The following GUCA1B variants were observed in gnomAD, a reference collection of about 807,000 sequenced individuals.
GUCA1B encodes the protein guanylate cyclase activator 1B, also known as guanylyl cyclase-activating protein 2.
GUCA1B carries 22 observed loss-of-function variants against 24.2 expected under a neutral mutation model. The ratio of observed to expected loss-of-function variants is 0.91; its 90% CI spans 0.65 to 1.30. The LOEUF is 1.30. Among genes scored for constraint, GUCA1B ranks in the 50% most tolerant of loss-of-function variants. The probability of loss-of-function intolerance (pLI) is 0.00; values close to 1 mark genes in which losing one functional copy is unlikely to be tolerated. For synonymous variants in GUCA1B, 100 were observed against 97.9 expected, an observed-to-expected ratio of 1.02 and a Z score of -0.13; for missense variants, 221 against 258.8, an observed-to-expected ratio of 0.85 and a Z score of 1.00.
Position 42,187,230 on chromosome 6 carries a change from G to A in GUCA1B, c.357+1352C>T, listed in dbSNP as rs548121286. On this transcript the variant is annotated intron_variant, in intron 2 of 3. Coordinates refer to ENST00000230361, the MANE Select transcript of GUCA1B (RefSeq NM_002098.6). ...AGCAATTCTCCTGCCTCAGCCTTCC[G>A]AGTAGCTGGGACTATAGGTGCCTGC... Among the ~76,000 whole-genome samples, 108 of 151,958 alleles carry A rather than the reference G, an allele frequency of 7.1e-4. 1 individual carries two copies. The highest frequency in any genetic ancestry group is 2.6e-3 in the African/African-American group (107 of 41,432).
intron 1 of GUCA1B, among the ~76,000 whole-genome samples, 171 bp from the exon 2 acceptor site, chr6:42,188,902 A>ATCTATCTATCTATCTATCTATCATC: frequency 8.7e-6 from 1 of 114,752 alleles, no homozygotes; most frequent in African/African-American, 3.5e-5. Flanking sequence ...CTATCTATCT[A>ATCTATCTATCTATCTATCTATCATC]TATCTATATC....
chr6:42,191,833 T>C (rs1768309349), intron 1 of GUCA1B, among the ~76,000 whole-genome samples: 2 of 152,162 alleles, frequency 1.3e-5, no homozygotes, highest in Admixed American at 6.5e-5. Flanking sequence ...TTGTACCGGA[T>C]GGTATGATGA....
rs150534243 is a variant in GUCA1B, at chr6:42,191,227, T to G, written c.208-2496A>C. Among the ~76,000 whole-genome samples the G allele has an allele frequency of 1.2e-3, 187 of 152,296 alleles. 1 individual carries two copies. The highest frequency in any genetic ancestry group is 3.7e-3 in the African/African-American group (155 of 41,570). On this transcript the variant is annotated intron_variant, in intron 1 of 3. Transcript: ENST00000230361. The stretch of plus-strand genomic sequence containing the variant: ...AGCCCTGACTTCAATGCATGTTATA[T>G]AAGAATCCTAAATGACATCTGATCT...
intron 1 of GUCA1B, among the ~76,000 whole-genome samples, chr6:42,191,967 A>T (rs34300020): frequency 0.55 from 81,822 of 150,100 alleles, 24,232 homozygotes; most frequent in East Asian, 0.84. Context: ...AAAAAAGAAA[A>T]GCTGAGATTA....
chr6:42,185,934 C>T (rs1768185593), intron 2 of GUCA1B, 137 bp from the exon 3 acceptor site: 2 of 710,268 alleles, frequency 2.8e-6, no homozygotes, highest in African/African-American at 1.7e-5. Flanking sequence ...TAATCTGGAT[C>T]CAGATCAAAA....
Position 42,188,566 on chromosome 6 carries a change from G to T in GUCA1B, c.357+16C>A. The T allele has an allele frequency of 6.2e-7, 1 of 1,613,514 alleles. No homozygotes were observed. Among genetic ancestry groups the T allele is most frequent in the Non-Finnish European group, 8.5e-7 (1 of 1,179,516 alleles). On this transcript the variant is annotated intron_variant, in intron 2 of 3. Transcript: ENST00000230361. ...TCTAGTGCCCAGGCTGCTGGCCCAT[G>T]GGCAGAGACACTAACCTCCACAATG... is the stretch of plus-strand genomic sequence containing the variant.
intron 2 of GUCA1B, 27 bp from the exon 3 acceptor site, chr6:42,185,824 A>G: frequency 7.2e-7 from 1 of 1,392,772 alleles, no homozygotes; most frequent in Admixed American, 1.7e-5. Context: ...AGCTGCATTG[A>G]CGGGAGACCC....
In GUCA1B at chr6:42,184,753, G is replaced by A. The variant is rs765973123; in HGVS notation, c.*62C>T. ...AGTGGGCATGAGCAGGCTGAGCCAGGGACCCTCCTACTACCCTGGAAACCT... is the reference window on the plus strand; with the variant it reads ...AGTGGGCATGAGCAGGCTGAGCCAGAGACCCTCCTACTACCCTGGAAACCT... On this transcript the variant is annotated 3_prime_UTR_variant, in exon 4 of 4. Coordinates refer to ENST00000230361, the MANE Select transcript of GUCA1B (RefSeq NM_002098.6). 3.2e-6 allele frequency: 5 copies of A among 1,542,440 alleles called. No homozygotes were observed. The South Asian group carries it at 5.6e-5, about 17-fold the overall frequency.
rs555435194 is a variant in GUCA1B at position 42,184,387 on chromosome 6, G to A, written c.*428C>T. 327 of 277,220 alleles carry A rather than the reference G, an allele frequency of 1.2e-3. 2 individuals are homozygous for A. Among genetic ancestry groups the A allele is most frequent in the Middle Eastern group, 1.3e-3 (1 of 748 alleles). The allele number at this position is 277,220 out of a possible 1,614,324, so 17.2% of individuals were successfully genotyped here. A position where few individuals can be genotyped will look rare whatever the true frequency, so the allele number is the denominator to read the frequency against. ...ATTACAGGCGTGAGCCACCGTGCCC[G>A]GCAACTCCTGCCTTTTCTTCAGTCT... On this transcript the variant is annotated 3_prime_UTR_variant, in exon 4 of 4. Coordinates refer to ENST00000230361, the MANE Select transcript of GUCA1B (RefSeq NM_002098.6).
chr6:42,193,672 T>C (rs558714763), intron 1 of GUCA1B, among the ~76,000 whole-genome samples: 1 of 152,312 alleles, frequency 6.6e-6, no homozygotes, highest in South Asian at 2.1e-4. Context: ...GGTGCTGACC[T>C]CACCCTCCTG....
chr6:42,192,551 A>C (rs1403279614), intron 1 of GUCA1B, among the ~76,000 whole-genome samples: 1 of 151,998 alleles, frequency 6.6e-6, no homozygotes, highest in Admixed American at 6.6e-5. Flanking sequence ...GTTTCTACTA[A>C]AAATACAAAA....
At chr6:42,185,949 C>T (rs1288890049) in intron 2 of GUCA1B, 152 bp from the exon 3 acceptor site, 1 of 697,258 alleles carries the variant, frequency 1.4e-6, no homozygotes, top group African/African-American at 1.7e-5. Context: ...TCAAAACTGA[C>T]CTGTCCTAAG....
rs1272346762 is a variant in GUCA1B at position 42,183,969 on chromosome 6, C to A, written c.*846G>T. Among the ~76,000 whole-genome samples the A allele has an allele frequency of 6.6e-6, 1 of 152,184 alleles. No homozygotes were observed. The highest frequency in any genetic ancestry group is 1.5e-5 in the Non-Finnish European group (1 of 68,038). On this transcript the variant is annotated 3_prime_UTR_variant, in exon 4 of 4. Transcript: ENST00000230361. ...TTGCTGCCATTTTTCCTGTTGACAC[C>A]ACTGGTGAGGATGCCTTGGGGAGGA...
chr6:42,186,780 T>A (rs915822783), intron 2 of GUCA1B, among the ~76,000 whole-genome samples: 4 of 152,124 alleles, frequency 2.6e-5, no homozygotes, highest in African/African-American at 9.7e-5. Flanking sequence ...CTTGGGAGAC[T>A]GAGGGGTTAA....
chr6:42,193,142 A>T (rs1768338346), intron 1 of GUCA1B, among the ~76,000 whole-genome samples: 1 of 152,206 alleles, frequency 6.6e-6, no homozygotes, highest in African/African-American at 2.4e-5. Context: ...CTGTAAATTT[A>T]GAATCATAGT....
intron 1 of GUCA1B, among the ~76,000 whole-genome samples, chr6:42,189,686 G>C (rs1582332761): frequency 6.6e-6 from 1 of 152,238 alleles, no homozygotes; most frequent in African/African-American, 2.4e-5. Context: ...GAGGAAGGGG[G>C]AGAGGCACAG....
chr6:42,184,091 CTTTCT>C lies in GUCA1B; in HGVS notation c.*719_*723del, dbSNP rs1768150919. On this transcript the variant is annotated 3_prime_UTR_variant, in exon 4 of 4. Transcript: ENST00000230361. Reference sequence around the variant, plus strand: ...CCCCAAAACTCCTGCCTTTTCTTTTCTTTCTTTTTTTTTTTTTGAGACGGAGTCTC... The same window carrying C: ...CCCCAAAACTCCTGCCTTTTCTTTTCTTTTTTTTTTTTGAGACGGAGTCTC... 1.3e-5 allele frequency among the ~76,000 whole-genome samples: 2 copies of C among 150,518 alleles called. No homozygotes were observed. Among genetic ancestry groups the C allele is most frequent in the East Asian group, 3.9e-4 (2 of 5,118 alleles).
chr6:42,187,230 G>C (rs548121286), intron 2 of GUCA1B, among the ~76,000 whole-genome samples: 1 of 151,846 alleles, frequency 6.6e-6, no homozygotes, highest in Non-Finnish European at 1.5e-5. Context: ...TCAGCCTTCC[G>C]AGTAGCTGGG....
chr6:42,192,449 T>C (rs904617393), intron 1 of GUCA1B, among the ~76,000 whole-genome samples: 4 of 150,036 alleles, frequency 2.7e-5, no homozygotes, highest in African/African-American at 9.9e-5. Context: ...CAGTGGCTCA[T>C]GCCTGTAATT....
Sources: gnomAD v4.1 joint callset for allele counts (sites outside exome capture counted in the v4.1 genomes callset) on GRCh38, gnomAD v4.1.1 for gene constraint, MANE v1.5 for transcripts, NCBI Gene and HGNC (gene_info 2026-07-23, HGNC 2026-07-21) for gene names.